STAR: variants seen among roughly 807,000 people sequenced by gnomAD.
STAR encodes the protein steroidogenic acute regulatory protein, also known as steroidogenic acute regulatory protein, mitochondrial.
Under a neutral mutation model 32.3 loss-of-function variants are expected in STAR, and 32 were observed. The observed-to-expected ratio is 0.99, with a 90% CI of 0.75 to 1.33. STAR has a LOEUF of 1.33. Ranked by LOEUF, STAR falls within the 40% of genes most tolerant of loss-of-function variation. The probability of loss-of-function intolerance (pLI) is 0.00; values close to 1 mark genes in which losing one functional copy is unlikely to be tolerated. For synonymous variants in STAR, 134 were observed against 140.5 expected (o/e 0.95, Z 0.33); for missense variants, 375 against 379.0 (o/e 0.99, Z 0.09).
In STAR at chr8:38,146,373, G is replaced by A; in HGVS notation, c.381C>T (p.Asp127=). The A allele has an allele frequency of 6.2e-7, 1 of 1,614,120 alleles. No individual in the cohort carries two copies. Among genetic ancestry groups the A allele is most frequent in the Admixed American group, 1.7e-5 (1 of 60,016 alleles). ...GKVFRLEVVV[D]QPMERLYEEL... The stretch of plus-strand genomic sequence containing the variant: ...CTTCATAGAGCCTCTCCATGGGCTG[G>A]TCCACCACGACCTCCAGCCGGAACA... The change falls in exon 4 of 7, where the codon GAC becomes GAT. Residue 127 remains aspartate (D), a synonymous_variant. Transcript: ENST00000276449.
At position 38,145,966 on chromosome 8, in the gene STAR, A is replaced by G; in HGVS notation, c.647T>C (p.Ile216Thr). 8 of 1,613,800 alleles carry G rather than the reference A, an allele frequency of 5.0e-6. No homozygotes were observed. The highest frequency in any genetic ancestry group is 6.8e-6 in the Non-Finnish European group (8 of 1,180,042). ...TGGAGCCTGCTGCCCGTATTACCTG[A>G]TGACACCCTTCTGCTCAGGCATGTT... Reference protein sequence around the residue: ...FGNMPEQKGVIRAEHGPTCMV... With the variant: ...FGNMPEQKGVTRAEHGPTCMV... The change falls in exon 5 of 7, where the codon ATC becomes ACC. Residue 216 changes from isoleucine (I) to threonine (T), a missense_variant. Transcript: ENST00000276449.
At position 38,150,892 on chromosome 8, in the gene STAR, CAA is replaced by C. The variant is rs1802658665; in HGVS notation, c.-76_-75del. ...CCGCCGCTGCTGCTGCCTCTTCTCTCAAGGGTGGTTCTTCGTCCTTCCTGAGC... is the reference window on the plus strand; with the variant it reads ...CCGCCGCTGCTGCTGCCTCTTCTCTCGGGTGGTTCTTCGTCCTTCCTGAGC... On this transcript the variant is annotated 5_prime_UTR_variant, in exon 1 of 7. Coordinates refer to ENST00000276449, the MANE Select transcript of STAR (RefSeq NM_000349.3). 3 of 1,599,408 alleles carry C rather than the reference CAA, an allele frequency of 1.9e-6. No individual in the cohort carries two copies. Among genetic ancestry groups the C allele is most frequent in the Non-Finnish European group, 1.7e-6 (2 of 1,179,758 alleles).
chr8:38,144,083 C>T lies in STAR; in HGVS notation c.*190G>A. 4 of 636,832 alleles carry T rather than the reference C, an allele frequency of 6.3e-6. No homozygotes were observed. Among genetic ancestry groups the T allele is most frequent in the Non-Finnish European group, 5.7e-6 (2 of 347,996 alleles). The allele number at this position is 636,832 out of a possible 1,614,324, so 39.4% of individuals were successfully genotyped here. The stretch of plus-strand genomic sequence containing the variant: ...TGAAGTTACCTTTTAATCCAAGAGC[C>T]TCATCCCTGTTTTCTTGGTACTAAA... On this transcript the variant is annotated 3_prime_UTR_variant, in exon 7 of 7. Coordinates refer to ENST00000276449, the MANE Select transcript of STAR (RefSeq NM_000349.3).
Position 38,146,092 on chromosome 8 carries a change from G to C in STAR, c.521C>G (p.Ala174Gly), listed in dbSNP as rs988862729. 8.1e-6 allele frequency: 13 copies of C among 1,614,096 alleles called. No individual in the cohort carries two copies. In the African/African-American group the frequency reaches 1.7e-4, roughly 22 times the overall value. The stretch of plus-strand genomic sequence containing the variant: ...ACGGGGCCCCACCAGGTTTCCTGCT[G>C]CCTCGGCAGCCAGCTCGTGAGTAAT... ...TFITHELAAE[A>G]AGNLVGPRDF... Residue 174 changes from alanine to glycine, a missense_variant, in exon 5 of 7, where the codon GCA becomes GGA. Physicochemically the swap from Ala to Gly is moderately conservative, Grantham distance 60. Transcript: ENST00000276449.
rs777482774 is a variant in STAR, at chr8:38,148,286, C to T, written c.220G>A (p.Ala74Thr). The T allele has an allele frequency of 1.2e-6, 2 of 1,614,118 alleles. No homozygotes were observed. Among genetic ancestry groups the T allele is most frequent in the East Asian group, 2.2e-5 (1 of 44,882 alleles). The change falls in exon 3 of 7, where the codon GCC (alanine) becomes ACC (threonine). Residue 74 changes from alanine (A) to threonine (T), a missense_variant. Coordinates refer to ENST00000276449, the MANE Select transcript of STAR (RefSeq NM_000349.3). ...GCCTCCTCCCCCTGCTGGAGATAGG[C>T]CAGCTCCTGGTCACTGTAGAGAGTC... ...EETLYSDQEL[A>T]YLQQGEEAMQ...
At chr8:38,149,803 C>T (rs895321170) in intron 1 of STAR, among the ~76,000 whole-genome samples, 72 of 152,190 alleles carry the variant, frequency 4.7e-4, no homozygotes, top group African/African-American at 1.6e-3. Context: ...AGCGCCAGTG[C>T]ACTCCAGCCT....
In STAR at chr8:38,148,073, G is replaced by A. The variant is rs548705600; in HGVS notation, c.306+127C>T. On this transcript the variant is annotated intron_variant, in intron 3 of 6. Transcript: ENST00000276449. ...ATTCTCGAGAAAGGAGAGTTCTCAA[G>A]ATAAAACCACTTGCTACCCAGTGAC... 4.5e-6 allele frequency: 6 copies of A among 1,331,620 alleles called. No individual in the cohort carries two copies. In the East Asian group the frequency reaches 1.5e-4, roughly 33 times the overall value. The allele number at this position is 1,331,620 out of a possible 1,614,324, so 82.5% of individuals were successfully genotyped here. A position where few individuals can be genotyped will look rare whatever the true frequency, so the allele number is the denominator to read the frequency against.
At chr8:38,148,165 C>T in intron 3 of STAR, 35 bp downstream of exon 3, 1 of 1,613,260 alleles carries the variant, frequency 6.2e-7, no homozygotes, top group Non-Finnish European at 8.5e-7. Context: ...GGCAGTGGAG[C>T]ATGGAGGAAC....
At position 38,145,352 on chromosome 8, in the gene STAR, C is replaced by G. The variant is rs750796370; in HGVS notation, c.651-37G>C. ...AGAAGTCAAGTCAGGAGGACAGTTG[C>G]GAGTTCTCTCTTGCACTGGCTGCTT... On this transcript the variant is annotated intron_variant, in intron 5 of 6. Coordinates refer to ENST00000276449, the MANE Select transcript of STAR (RefSeq NM_000349.3). 8.1e-6 allele frequency: 13 copies of G among 1,613,572 alleles called. No individual in the cohort carries two copies. In the Admixed American group the frequency reaches 1.3e-4, roughly 17 times the overall value.
intron 2 of STAR, 142 bp from the exon 3 acceptor site, chr8:38,148,469 C>G: frequency 8.3e-6 from 12 of 1,438,890 alleles, no homozygotes; most frequent in Non-Finnish European, 1.1e-5. Flanking sequence ...TCGAGTTAAT[C>G]ACAGCCGCCC....
Position 38,144,215 on chromosome 8 carries a change from T to A in STAR, c.*58A>T. On this transcript the variant is annotated 3_prime_UTR_variant, in exon 7 of 7. Transcript: ENST00000276449. ...ACTTGCAGGCTTCCAGTAGGGATTC[T>A]CCTGATGAGCGTGTGTACCAGTGCA... 6.6e-7 allele frequency: 1 copy of A among 1,520,780 alleles called. No homozygotes were observed. The highest frequency in any genetic ancestry group is 8.9e-7 in the Non-Finnish European group (1 of 1,118,696). 94.2% of individuals were successfully genotyped at this position (1,520,780 alleles called of 1,614,324 possible). A position where few individuals can be genotyped will look rare whatever the true frequency, so the allele number is the denominator to read the frequency against.
intron 1 of STAR, 146 bp downstream of exon 1, chr8:38,150,609 C>A (rs759879837): frequency 1.1e-5 from 14 of 1,297,682 alleles, no homozygotes; most frequent in Admixed American, 2.0e-5. Flanking sequence ...CCACTTCTTC[C>A]GAGGGGAAAA....
chr8:38,144,374 TG>T lies in STAR; in HGVS notation c.756del (p.Lys253ArgfsTer68). ...LLSIDLKGWL[P>X]KSIINQVLSQ... The stretch of plus-strand genomic sequence containing the variant: ...GACAGGACCTGGTTGATGATGCTCT[TG>T]GGCAGCCACCCCTGCAGTAGGAGGT... On this transcript the variant is annotated frameshift_variant, in exon 7 of 7. Transcript: ENST00000276449. LOFTEE classifies it high-confidence loss of function. The T allele has an allele frequency of 6.2e-7, 1 of 1,600,396 alleles. No homozygotes were observed. The highest frequency in any genetic ancestry group is 8.5e-7 in the Non-Finnish European group (1 of 1,173,552).
rs765968833 is a variant in STAR, at chr8:38,145,299, T to A, written c.667A>T (p.Thr223Ser). 13 of 1,614,180 alleles carry A rather than the reference T, an allele frequency of 8.1e-6. No individual in the cohort carries two copies. The highest frequency in any genetic ancestry group is 1.1e-5 in the Non-Finnish European group (13 of 1,180,044). ...KGVIRAEHGP[T>S]CMVLHPLAGS... The stretch of plus-strand genomic sequence containing the variant: ...GCCAACGGGTGAAGCACCATGCAAG[T>A]GGGACCGTGCTCCGCCCTGGCAAAT... Residue 223 changes from threonine (T) to serine (S), a missense_variant, in exon 6 of 7, where the codon ACT becomes TCT. Coordinates refer to ENST00000276449, the MANE Select transcript of STAR (RefSeq NM_000349.3).
Position 38,144,195 on chromosome 8 carries a change from C to T in STAR, c.*78G>A, listed in dbSNP as rs754239290. On this transcript the variant is annotated 3_prime_UTR_variant, in exon 7 of 7. Transcript: ENST00000276449. ...TCACCAGATGGAGATCTTAGACTTG[C>T]AGGCTTCCAGTAGGGATTCTCCTGA... The T allele has an allele frequency of 3.1e-5, 44 of 1,424,004 alleles. No homozygotes were observed. Among genetic ancestry groups the T allele is most frequent in the Middle Eastern group, 1.7e-4 (1 of 5,770 alleles). The allele number at this position is 1,424,004 out of a possible 1,614,324, so 88.2% of individuals were successfully genotyped here.
At chr8:38,145,484 C>T in intron 5 of STAR, 169 bp from the exon 6 acceptor site, 1 of 883,978 alleles carries the variant, frequency 1.1e-6, no homozygotes, top group Non-Finnish European at 1.8e-6. Context: ...GGCACAGTTA[C>T]CAGCTCATCA....
Position 38,150,834 on chromosome 8 carries a change from G to A in STAR, c.-16C>T, listed in dbSNP as rs779983468. The A allele has an allele frequency of 5.0e-6, 8 of 1,603,720 alleles. No individual in the cohort carries two copies. The highest frequency in any genetic ancestry group is 6.8e-6 in the Non-Finnish European group (8 of 1,179,930). On this transcript the variant is annotated 5_prime_UTR_variant, in exon 1 of 7. Transcript: ENST00000276449. Reference sequence around the variant, plus strand: ...CTAGCAGCATTGTTTCCTGGCAAATGTGGCAGTGGTGGGGTCGCTGCCGCT... The same window carrying A: ...CTAGCAGCATTGTTTCCTGGCAAATATGGCAGTGGTGGGGTCGCTGCCGCT...
intron 5 of STAR, 173 bp from the exon 6 acceptor site, chr8:38,145,488 CTCA>C: frequency 1.2e-6 from 1 of 859,838 alleles, no homozygotes; most frequent in East Asian, 2.7e-5. Flanking sequence ...CAGTTACCAG[CTCA>C]TCAGAATAAA....
In STAR at chr8:38,148,693, GC is replaced by G. The variant is rs750549499; in HGVS notation, c.125del (p.Gly42AlafsTer67). ...SQELNRRALG[G>X]PTPSTWINQV... Reference sequence around the variant, plus strand: ...GGTTAATCCACGTGCTAGGGGTGGGGCCCCCCAGGGCCCTCCGGTTCAGCTC... The same window carrying G: ...GGTTAATCCACGTGCTAGGGGTGGGGCCCCCAGGGCCCTCCGGTTCAGCTC... On this transcript the variant is annotated frameshift_variant, in exon 2 of 7. Coordinates refer to ENST00000276449, the MANE Select transcript of STAR (RefSeq NM_000349.3). LOFTEE classifies it high-confidence loss of function. The G allele has an allele frequency of 6.2e-7, 1 of 1,614,058 alleles. No individual in the cohort carries two copies. The highest frequency in any genetic ancestry group is 8.5e-7 in the Non-Finnish European group (1 of 1,180,030).
Sources: allele counts gnomAD v4.1 joint callset (sites outside exome capture counted in the v4.1 genomes callset), GRCh38; gene constraint gnomAD v4.1.1; transcripts MANE v1.5; gene names NCBI Gene and HGNC (gene_info 2026-07-23, HGNC 2026-07-21).